The following ARHGEF2 variants were observed in gnomAD, a reference collection of about 807,000 sequenced individuals.
ARHGEF2 encodes Rho/Rac guanine nucleotide exchange factor 2, also known as rho guanine nucleotide exchange factor 2.
Under a neutral mutation model 121.0 loss-of-function variants are expected in ARHGEF2, and 22 were observed. The ratio of observed to expected loss-of-function variants is 0.18; its 90% CI spans 0.13 to 0.26. The LOEUF (loss-of-function observed/expected upper bound fraction) is 0.26, where lower values mean the gene tolerates loss of function less well. Ranked by LOEUF, ARHGEF2 falls within the 10% of genes least tolerant of loss-of-function variation. ARHGEF2 has a pLI of 1.00. For missense variants in ARHGEF2, 907 were observed against 1,336.0 expected, an observed-to-expected ratio of 0.68 and a Z score of 5.01; for synonymous variants, 487 against 530.0, an observed-to-expected ratio of 0.92 and a Z score of 1.11.
At position 155,964,217 on chromosome 1, in the gene ARHGEF2, T is replaced by TA. The variant is rs1491160862; in HGVS notation, c.724+770_724+771insT. ...ATATATACATATATATATATATATA[T>TA]TTTTTTTTTAGAGACAGAGGTCTTG... On this transcript the variant is annotated intron_variant, in intron 7 of 21. Transcript: ENST00000361247. Among the ~76,000 whole-genome samples the TA allele has an allele frequency of 1.5e-3, 203 of 131,172 alleles. 2 individuals are homozygous for TA. Among genetic ancestry groups the TA allele is most frequent in the African/African-American group, 2.9e-3 (94 of 32,902 alleles). 86.1% of individuals were successfully genotyped at this position (131,172 alleles called of 152,430 possible).
At position 155,953,017 on chromosome 1, in the gene ARHGEF2, C is replaced by T. The variant is rs566538174; in HGVS notation, c.1784-189G>A. ...TAGTGGCTCACACCTGTAATCCCAG[C>T]ACTTTGGGAGGCCAAGGCAGGTGGA... is the stretch of plus-strand genomic sequence containing the variant. On this transcript the variant is annotated intron_variant, in intron 14 of 21. Coordinates refer to ENST00000361247, the MANE Select transcript of ARHGEF2 (RefSeq NM_001162383.2). Among the ~76,000 whole-genome samples the T allele has an allele frequency of 3.3e-4, 50 of 152,254 alleles. 1 individual carries two copies. Among genetic ancestry groups the T allele is most frequent in the Non-Finnish European group, 6.2e-4 (42 of 68,010 alleles).
chr1:155,954,712 A>G (rs1003385994), intron 14 of ARHGEF2, among the ~76,000 whole-genome samples, 190 bp downstream of exon 14: 7 of 151,160 alleles, frequency 4.6e-5, no homozygotes, highest in African/African-American at 1.7e-4. Context: ...TTGGTCTTCC[A>G]TATTATTTTT....
chr1:155,975,480 C>T lies in ARHGEF2; in HGVS notation c.63+2885G>A, dbSNP rs541879446. 2.0e-5 allele frequency among the ~76,000 whole-genome samples: 3 copies of T among 152,092 alleles called. No individual in the cohort carries two copies. In the South Asian group the frequency reaches 6.2e-4, roughly 32 times the overall value. On this transcript the variant is annotated intron_variant, in intron 1 of 21. Transcript: ENST00000361247. ...TCCCTTCCCCTATCCTCACTTCTCC[C>T]CTCCCCCTCAACTCTCTCCCTAACC...
chr1:155,966,224 C>T (rs778231446), intron 4 of ARHGEF2, among the ~76,000 whole-genome samples, 192 bp downstream of exon 4: 8 of 152,050 alleles, frequency 5.3e-5, no homozygotes, highest in African/African-American at 1.4e-4. Context: ...CATCCCCATT[C>T]GGACTCTCTC....
rs562213872 is a variant in ARHGEF2 at position 155,951,608 on chromosome 1, G to T, written c.2209-75C>A. On this transcript the variant is annotated intron_variant, in intron 18 of 21. Coordinates refer to ENST00000361247, the MANE Select transcript of ARHGEF2 (RefSeq NM_001162383.2). This position sits in a 1 kb window ranked among gnomAD's most constrained non-coding sequence, Gnocchi z 5.1. ...CTGCCCAAAAGTTGAACAAGGGTGG[G>T]TGTGGGGACAGTAGGATCCGGAGAC... 15 of 1,608,864 alleles carry T rather than the reference G, an allele frequency of 9.3e-6. No individual in the cohort carries two copies. The South Asian group carries it at 1.4e-4, about 15-fold the overall frequency.
chr1:155,963,302 C>A, intron 7 of ARHGEF2, 119 bp from the exon 8 acceptor site: 4 of 847,004 alleles, frequency 4.7e-6, no homozygotes, highest in Non-Finnish European at 7.2e-6. Flanking sequence ...GGTTAATATT[C>A]TGCATTATTA....
At chr1:155,969,832 G>T (rs1680131302) in intron 1 of ARHGEF2, 1 of 986,420 alleles carries the variant, frequency 1.0e-6, no homozygotes, top group Non-Finnish European at 1.2e-6. Context: ...CCCCTTATTA[G>T]ATTGGCTGAA....
chr1:155,948,415 A>G (rs2102622923), intron 21 of ARHGEF2, among the ~76,000 whole-genome samples: 1 of 152,314 alleles, frequency 6.6e-6, no homozygotes, highest in East Asian at 1.9e-4. Context: ...GAATCACTTA[A>G]GGCCAGGAGT....
At chr1:155,956,146 C>G (rs1314552947) in intron 13 of ARHGEF2, among the ~76,000 whole-genome samples, 1 of 152,092 alleles carries the variant, frequency 6.6e-6, no homozygotes. Context: ...GTCACCTAGG[C>G]TGGAGTGCAG....
rs1049487132 is a variant in ARHGEF2 at position 155,965,226 on chromosome 1, G to T, written c.580+77C>A. ...GATCCCTTCCCTCCTTGTCCTTCCAGGCTACTCCCACCAGCCTCTCATCCC... is the reference window on the plus strand; with the variant it reads ...GATCCCTTCCCTCCTTGTCCTTCCATGCTACTCCCACCAGCCTCTCATCCC... On this transcript the variant is annotated intron_variant, in intron 6 of 21. Coordinates refer to ENST00000361247, the MANE Select transcript of ARHGEF2 (RefSeq NM_001162383.2). The surrounding 1 kb of genome is among the most constrained non-coding windows in gnomAD (Gnocchi z 6.0). 15 of 1,607,512 alleles carry T rather than the reference G, an allele frequency of 9.3e-6. No homozygotes were observed. The African/African-American group carries it at 1.9e-4, about 20-fold the overall frequency.
Position 155,962,679 on chromosome 1 carries a change from A to C in ARHGEF2, c.1015T>G (p.Ser339Ala). Residue 339 changes from serine to alanine, a missense_variant, in exon 9 of 22, where the codon TCG (serine) becomes GCG (alanine). Transcript: ENST00000361247. This position sits in a 1 kb window ranked among gnomAD's most constrained non-coding sequence, Gnocchi z 5.8. ...TTGCTGTGGCGGCTGCAGAACTCCGAGTAGGTCTTACACATCTGCTCCGCA... is the reference window on the plus strand; with the variant it reads ...TTGCTGTGGCGGCTGCAGAACTCCGCGTAGGTCTTACACATCTGCTCCGCA... ...PSAEQMCKTY[S>A]EFCSRHSKAL... 6.2e-7 allele frequency: 1 copy of C among 1,614,102 alleles called. No individual in the cohort carries two copies. Among genetic ancestry groups the C allele is most frequent in the South Asian group, 1.1e-5 (1 of 91,084 alleles).
rs1296321151 is a variant in ARHGEF2, at chr1:155,952,663, C to A, written c.1949G>T (p.Arg650Leu). ...GGCATCCTGCAGCAGCCGCTCGCCA[C>A]GAGGGGACTCAAGGGACTCAGAGCG... ...LFRSESLESP[R>L]GERLLQDAIR... The change falls in exon 15 of 22, where the codon CGT (arginine) becomes CTT (leucine). Residue 650 changes from arginine (R) to leucine (L), a missense_variant. Around this residue, in one of 2 missense-constraint regions of ARHGEF2, gnomAD observed 432 missense variants for 559.5 expected, o/e 0.77. Transcript: ENST00000361247. 1 of 1,613,778 alleles carries A rather than the reference C, an allele frequency of 6.2e-7. No homozygotes were observed. The highest frequency in any genetic ancestry group is 8.5e-7 in the Non-Finnish European group (1 of 1,179,696).
chr1:155,959,980 G>A (rs1021707778), intron 11 of ARHGEF2, among the ~76,000 whole-genome samples: 1 of 152,114 alleles, frequency 6.6e-6, no homozygotes, highest in Non-Finnish European at 1.5e-5. Context: ...TAGGGAGGGA[G>A]AAAGTTTCCT....
At position 155,952,747 on chromosome 1, in the gene ARHGEF2, T is replaced by C. The variant is rs1675759560; in HGVS notation, c.1865A>G (p.Gln622Arg). ...CCCACTGCCACCATCCTCTTCGGCC[T>C]GGAAATGGGTCATCTCAGCAAACAG... ...VGLFAEMTHFQAEEDGGSGMA... is the reference protein window; with the variant it reads ...VGLFAEMTHFRAEEDGGSGMA... Residue 622 changes from glutamine to arginine, a missense_variant, in exon 15 of 22, where the codon CAG becomes CGG. Physicochemically the swap from Gln to Arg is conservative, Grantham distance 43. This residue lies in a region of ARHGEF2 where 432 missense variants were observed against 559.5 expected (regional missense o/e 0.77). Coordinates refer to ENST00000361247, the MANE Select transcript of ARHGEF2 (RefSeq NM_001162383.2). 6.2e-7 allele frequency: 1 copy of C among 1,614,200 alleles called. No homozygotes were observed. Among genetic ancestry groups the C allele is most frequent in the Non-Finnish European group, 8.5e-7 (1 of 1,180,038 alleles).
At chr1:155,956,625 C>T (rs1179142341) in intron 13 of ARHGEF2, among the ~76,000 whole-genome samples, 10 of 150,674 alleles carry the variant, frequency 6.6e-5, no homozygotes, top group Admixed American at 6.6e-4. Context: ...AGTTCGAGAC[C>T]AGCTTGGTCA....
intron 2 of ARHGEF2, among the ~76,000 whole-genome samples, chr1:155,967,739 A>G (rs1679698927): frequency 6.6e-6 from 1 of 152,152 alleles, no homozygotes; most frequent in Non-Finnish European, 1.5e-5. Flanking sequence ...AGAGAAGAAG[A>G]AAGGAGGATT....
rs752366762 is a variant in ARHGEF2, at chr1:155,966,847, G to C, written c.249C>G (p.Leu83=). 1.9e-5 allele frequency: 31 copies of C among 1,613,644 alleles called. No homozygotes were observed. The highest frequency in any genetic ancestry group is 3.3e-5 in the Admixed American group (2 of 59,960). ...VTIHNRCKDT[L]ANCTKVKQKQ... is the part of the protein sequence containing the mutation. ...TCTGCTTGACCTTGGTACAGTTGGC[G>C]AGGGTGTCTTTACAGCGGTTGTGGA... The change falls in exon 3 of 22, where the codon CTC becomes CTG. Residue 83 remains leucine, a synonymous_variant. Transcript: ENST00000361247.
chr1:155,971,016 C>A lies in ARHGEF2; in HGVS notation c.64-1716G>T, dbSNP rs1421351135. 6.1e-6 allele frequency: 6 copies of A among 986,366 alleles called. No homozygotes were observed. The South Asian group carries it at 1.9e-4, about 31-fold the overall frequency. 61.1% of individuals were successfully genotyped at this position (986,366 alleles called of 1,614,324 possible). ...CAGGGTCTCCCTCCTAGGCTCCTCC[C>A]GCTCTGCCTTCCCTTTCTCAGCCTT... On this transcript the variant is annotated intron_variant, in intron 1 of 21. Transcript: ENST00000361247.
Position 155,951,128 on chromosome 1 carries a change from T to C in ARHGEF2, c.2404A>G (p.Thr802Ala). 1 of 1,604,886 alleles carries C rather than the reference T, an allele frequency of 6.2e-7. No homozygotes were observed. Among genetic ancestry groups the C allele is most frequent in the East Asian group, 2.2e-5 (1 of 44,586 alleles). ...AAPVAPEKQATELALLQRQHA... is the reference protein window; with the variant it reads ...AAPVAPEKQAAELALLQRQHA... ...TGCCGCTGCAGTAATGCCAGTTCCG[T>C]GGCCTGCTTTTCAGGGGCCACAGGG... The change falls in exon 20 of 22, where the codon ACG (threonine) becomes GCG (alanine). Residue 802 changes from threonine to alanine, a missense_variant. This residue lies in a region of ARHGEF2 where 432 missense variants were observed against 559.5 expected (regional missense o/e 0.77). Coordinates refer to ENST00000361247, the MANE Select transcript of ARHGEF2 (RefSeq NM_001162383.2). The surrounding 1 kb of genome is among the most constrained non-coding windows in gnomAD (Gnocchi z 5.1).
Sources: allele counts gnomAD v4.1 joint callset (sites outside exome capture counted in the v4.1 genomes callset), GRCh38; gene constraint gnomAD v4.1.1; regional missense constraint gnomAD v4.1.1; non-coding constraint Gnocchi (gnomAD v3.1); transcripts MANE v1.5; gene names NCBI Gene and HGNC (gene_info 2026-07-23, HGNC 2026-07-21).